RAB3C: variants seen among roughly 807,000 people sequenced by gnomAD.
RAB3C encodes ras-related protein Rab-3C.
RAB3C carries 17 observed loss-of-function variants against 26.4 expected under a neutral mutation model. The observed-to-expected ratio is 0.64, with a 90% CI of 0.44 to 0.97. RAB3C has a LOEUF of 0.97. RAB3C is among the 50% of genes least tolerant of loss of function. The pLI, the probability that RAB3C is intolerant of heterozygous loss-of-function variation, is 0.00. For synonymous variants in RAB3C, 91 were observed against 95.9 expected, an observed-to-expected ratio of 0.95 and a Z score of 0.30; for missense variants, 242 against 281.9, an observed-to-expected ratio of 0.86 and a Z score of 1.01.
At chr5:58,640,360 T>C (rs1747389664) in intron 2 of RAB3C, among the ~76,000 whole-genome samples, 1 of 152,204 alleles carries the variant, frequency 6.6e-6, no homozygotes, top group African/African-American at 2.4e-5. Flanking sequence ...CCTTCCCCTC[T>C]GCCTTTCCCC....
In RAB3C at chr5:58,624,444, G is replaced by C. The variant is rs745965125; in HGVS notation, c.252+6574G>C. On this transcript the variant is annotated intron_variant, in intron 2 of 4. Transcript: ENST00000282878. ...GTTTGAGCAGAGGTGGATTGATACT[G>C]TTGGGGCTTGAAGCTTTTACAGTTT... Among the ~76,000 whole-genome samples the C allele has an allele frequency of 2.0e-5, 3 of 152,316 alleles. No individual in the cohort carries two copies. The South Asian group carries it at 6.2e-4, about 32-fold the overall frequency.
intron 4 of RAB3C, among the ~76,000 whole-genome samples, chr5:58,849,100 G>C (rs971334649): frequency 6.6e-6 from 1 of 152,160 alleles, no homozygotes; most frequent in South Asian, 2.1e-4. Flanking sequence ...AGTCACATTT[G>C]ATAAAACCTT....
At chr5:58,848,689 T>G (rs1380745422) in intron 4 of RAB3C, 1 of 152,246 alleles carries the variant, frequency 6.6e-6, no homozygotes, top group Non-Finnish European at 1.5e-5. Flanking sequence ...TAGCATTTTC[T>G]AGTTTGCTTG....
chr5:58,850,395 A>C (rs1257834538), intron 4 of RAB3C, among the ~76,000 whole-genome samples: 8 of 152,212 alleles, frequency 5.3e-5, no homozygotes, highest in Non-Finnish European at 4.4e-5. Context: ...GCAGAGGTAT[A>C]CAAAGCCCTG....
At position 58,810,374 on chromosome 5, in the gene RAB3C, T is replaced by TCTCGCTCG. The variant is rs1554020142; in HGVS notation, c.372-14661_372-14660insGCTCGCTC. On this transcript the variant is annotated intron_variant, in intron 3 of 4. Coordinates refer to ENST00000282878, the MANE Select transcript of RAB3C (RefSeq NM_138453.4). ...AAAAGTACTCTGTGTGCTCTCTCTCTCTCTCTCTCTCTGTGTGTGTGTGTG... is the reference window on the plus strand; with the variant it reads ...AAAAGTACTCTGTGTGCTCTCTCTCTCTCGCTCGCTCTCTCTCTCTGTGTGTGTGTGTG... Among the ~76,000 whole-genome samples the TCTCGCTCG allele has an allele frequency of 1.4e-5, 2 of 146,378 alleles. 1 individual carries two copies. The highest frequency in any genetic ancestry group is 4.5e-4 in the South Asian group (2 of 4,450).
At chr5:58,595,816 A>G (rs935005369) in intron 1 of RAB3C, among the ~76,000 whole-genome samples, 3 of 152,166 alleles carry the variant, frequency 2.0e-5, no homozygotes, top group African/African-American at 7.2e-5. Flanking sequence ...CCAAGAAATG[A>G]TGAGAAACCT....
chr5:58,747,277 G>A (rs1015191923), intron 3 of RAB3C, among the ~76,000 whole-genome samples: 53 of 152,262 alleles, frequency 3.5e-4, no homozygotes, highest in African/African-American at 1.2e-3. Context: ...GTTAATTTCA[G>A]ATGAATGATG....
intron 2 of RAB3C, among the ~76,000 whole-genome samples, chr5:58,703,428 T>C (rs158987): frequency 0.54 from 81,405 of 151,918 alleles, 22,075 homozygotes; most frequent in Non-Finnish European, 0.59. Context: ...CTGATCCGCC[T>C]GCCTTGGCCT....
chr5:58,823,996 A>G (rs995758142), intron 3 of RAB3C, among the ~76,000 whole-genome samples: 2 of 150,858 alleles, frequency 1.3e-5, no homozygotes, highest in Non-Finnish European at 2.9e-5. Flanking sequence ...TGTCCTTGCA[A>G]TAGTTTACTG....
intron 3 of RAB3C, among the ~76,000 whole-genome samples, chr5:58,798,729 A>G (rs199503240): frequency 6.6e-6 from 1 of 152,224 alleles, no homozygotes; most frequent in Non-Finnish European, 1.5e-5. Flanking sequence ...TAGTTATGCA[A>G]ATATTTCAAA....
rs578014843 is a variant in RAB3C at position 58,851,270 on chromosome 5, T to A, written c.603T>A (p.Thr201=). 7 of 1,613,990 alleles carry A rather than the reference T, an allele frequency of 4.3e-6. 1 individual carries two copies. The highest frequency in any genetic ancestry group is 1.7e-4 in the Middle Eastern group (1 of 6,060). The part of the protein sequence containing the change: ...ICDKMSESLE[T]DPAITAAKQN... ...ACAAAATGTCAGAGAGTTTGGAGAC[T>A]GATCCTGCCATCACTGCTGCAAAGC... The change falls in exon 5 of 5, where the codon ACT becomes ACA. Residue 201 remains threonine (T), a synonymous_variant. Coordinates refer to ENST00000282878, the MANE Select transcript of RAB3C (RefSeq NM_138453.4).
chr5:58,597,563 T>C lies in RAB3C; in HGVS notation c.24+14331T>C, dbSNP rs1007247535. Among the ~76,000 whole-genome samples, 29 of 106,048 alleles carry C rather than the reference T, an allele frequency of 2.7e-4. 1 individual carries two copies. Among genetic ancestry groups the C allele is most frequent in the South Asian group, 5.8e-4 (2 of 3,464 alleles). 69.6% of individuals were successfully genotyped at this position (106,048 alleles called of 152,430 possible). On this transcript the variant is annotated intron_variant, in intron 1 of 4. Coordinates refer to ENST00000282878, the MANE Select transcript of RAB3C (RefSeq NM_138453.4). ...GCATATAACAATATATAGTTCATTA[T>C]ATATAAGCATATAACAATATATAGT... is the stretch of plus-strand genomic sequence containing the variant.
At chr5:58,643,190 T>C (rs1170258544) in intron 2 of RAB3C, among the ~76,000 whole-genome samples, 1 of 152,204 alleles carries the variant, frequency 6.6e-6, no homozygotes, top group Admixed American at 6.5e-5. Context: ...GCATGGGGCA[T>C]GTGGCTGAGC....
At chr5:58,809,174 C>T (rs1743013474) in intron 3 of RAB3C, among the ~76,000 whole-genome samples, 1 of 152,100 alleles carries the variant, frequency 6.6e-6, no homozygotes, top group Non-Finnish European at 1.5e-5. Context: ...GTGTAAAATA[C>T]TTATTTTGAG....
At chr5:58,728,513 C>T (rs1366496251) in intron 3 of RAB3C, among the ~76,000 whole-genome samples, 4 of 152,024 alleles carry the variant, frequency 2.6e-5, no homozygotes, top group Non-Finnish European at 4.4e-5. Flanking sequence ...TACAGGTGAT[C>T]CATCTTATTG....
At chr5:58,732,239 A>C (rs1579885771) in intron 3 of RAB3C, among the ~76,000 whole-genome samples, 1 of 151,866 alleles carries the variant, frequency 6.6e-6, no homozygotes, top group East Asian at 1.9e-4. Flanking sequence ...CTTGAAATAC[A>C]ATTTGGTTAT....
chr5:58,797,514 C>T (rs902043696), intron 3 of RAB3C, among the ~76,000 whole-genome samples: 1 of 151,556 alleles, frequency 6.6e-6, no homozygotes, highest in East Asian at 1.9e-4. Context: ...AATGGCTTCT[C>T]AGCAACTGGA....
intron 2 of RAB3C, among the ~76,000 whole-genome samples, chr5:58,673,614 AT>A (rs1748167376): frequency 6.6e-6 from 1 of 152,150 alleles, no homozygotes; most frequent in Non-Finnish European, 1.5e-5. Context: ...TTTAAAGCAG[AT>A]TGTTTCCACT....
At chr5:58,670,861 GA>G (rs1748101392) in intron 2 of RAB3C, among the ~76,000 whole-genome samples, 1 of 152,088 alleles carries the variant, frequency 6.6e-6, no homozygotes, top group African/African-American at 2.4e-5. Context: ...CCTTATTTAT[GA>G]CTTACAGAGC....
Sources: gnomAD v4.1 joint callset for allele counts (sites outside exome capture counted in the v4.1 genomes callset) on GRCh38, gnomAD v4.1.1 for gene constraint, MANE v1.5 for transcripts, NCBI Gene and HGNC (gene_info 2026-07-23, HGNC 2026-07-21) for gene names.